The following ZC3H7B variants were observed in gnomAD, a reference collection of about 807,000 sequenced individuals.
ZC3H7B encodes the protein zinc finger CCCH domain-containing protein 7B.
A neutral mutation model predicts 116.0 loss-of-function variants in ZC3H7B; 35 were observed. That is an observed-to-expected ratio of 0.30 (90% confidence interval 0.23 to 0.40). The LOEUF is 0.40. Among genes scored for constraint, ZC3H7B ranks in the 10% least tolerant of loss-of-function variants. ZC3H7B has a pLI of 1.00. For synonymous variants in ZC3H7B, 502 were observed against 545.6 expected (o/e 0.92, Z 1.11); for missense variants, 1,011 against 1,321.5 (o/e 0.77, Z 3.64).
At chr22:41,339,577 G>A (rs1484127411) in intron 9 of ZC3H7B, among the ~76,000 whole-genome samples, 1 of 147,742 alleles carries the variant, frequency 6.8e-6, no homozygotes, top group Non-Finnish European at 1.5e-5. Flanking sequence ...AGTGAGCCGA[G>A]ATCACACCAC....
chr22:41,346,127 G>A lies in ZC3H7B; in HGVS notation c.1584G>A (p.Pro528=), dbSNP rs184423793. ...GTLNRDLLFD[P]LGGVKRGSLT... Reference sequence around the variant, plus strand: ...TCAACCGCGACCTGCTCTTCGACCCGCTGGGGGGTGTTAAGCGCGGCAGCC... The same window carrying A: ...TCAACCGCGACCTGCTCTTCGACCCACTGGGGGGTGTTAAGCGCGGCAGCC... The change falls in exon 14 of 23, where the codon CCG becomes CCA. Residue 528 remains proline (P), a synonymous_variant. Coordinates refer to ENST00000352645, the MANE Select transcript of ZC3H7B (RefSeq NM_017590.6). This position sits in a 1 kb window ranked among gnomAD's most constrained non-coding sequence, Gnocchi z 5.3. The A allele has an allele frequency of 2.5e-5, 40 of 1,613,282 alleles. No homozygotes were observed. The highest frequency in any genetic ancestry group is 1.1e-4 in the East Asian group (5 of 44,888).
Position 41,346,206 on chromosome 22 carries a change from G to T in ZC3H7B, c.1663G>T (p.Glu555Ter). 6.2e-7 allele frequency: 1 copy of T among 1,609,244 alleles called. No individual in the cohort carries two copies. Residue 555 changes from glutamate to a stop codon, truncating the protein, a stop_gained and splice_region_variant, in exon 14 of 23, where the codon GAG becomes TAG. Coordinates refer to ENST00000352645, the MANE Select transcript of ZC3H7B (RefSeq NM_017590.6). LOFTEE classifies it high-confidence loss of function. This position sits in a 1 kb window ranked among gnomAD's most constrained non-coding sequence, Gnocchi z 5.3. Reference protein sequence around the residue: ...EHQGIFTFLCEICFDSKPRII... With the variant: ...EHQGIFTFLC ...CCAGGGCATCTTCACCTTCCTCTGC[G>T]AGGTACTGCCCACCCACCCACTGCC...
chr22:41,326,012 C>G (rs112551015), intron 4 of ZC3H7B, 94 bp downstream of exon 4: 30 of 1,382,084 alleles, frequency 2.2e-5, no homozygotes, highest in African/African-American at 1.4e-4. Context: ...AGCCTGTAGA[C>G]CAGGGCCAGC....
chr22:41,339,205 C>G lies in ZC3H7B; in HGVS notation c.816+14C>G, dbSNP rs199575807. The G allele has an allele frequency of 2.5e-4, 404 of 1,596,286 alleles. 7 individuals are homozygous for G. The highest frequency in any genetic ancestry group is 6.0e-5 in the Non-Finnish European group (70 of 1,169,626). ...CTGGACTCGCTGGTGAGCCACACCACCCTCCTTGTGCTCCCCTGATCCCCT... is the reference window on the plus strand; with the variant it reads ...CTGGACTCGCTGGTGAGCCACACCAGCCTCCTTGTGCTCCCCTGATCCCCT... On this transcript the variant is annotated intron_variant, in intron 9 of 22. Transcript: ENST00000352645.
At chr22:41,324,157 G>A (rs1601773243) in intron 2 of ZC3H7B, among the ~76,000 whole-genome samples, 1 of 152,278 alleles carries the variant, frequency 6.6e-6, no homozygotes, top group East Asian at 1.9e-4. Flanking sequence ...AGGAGGCCAG[G>A]AAGGTAGTGA....
In ZC3H7B at chr22:41,338,159, C is replaced by T. The variant is rs139799096; in HGVS notation, c.583-154C>T. Among the ~76,000 whole-genome samples, 146 of 152,238 alleles carry T rather than the reference C, an allele frequency of 9.6e-4. No individual in the cohort carries two copies. The highest frequency in any genetic ancestry group is 1.6e-3 in the Non-Finnish European group (109 of 68,008). ...CTGGGATTATAGGCATAAGCCACCA[C>T]GCCTGGCCGCATGTGAGGGCTTTAA... On this transcript the variant is annotated intron_variant, in intron 7 of 22. Coordinates refer to ENST00000352645, the MANE Select transcript of ZC3H7B (RefSeq NM_017590.6). This position sits in a 1 kb window ranked among gnomAD's most constrained non-coding sequence, Gnocchi z 4.5.
intron 1 of ZC3H7B, among the ~76,000 whole-genome samples, chr22:41,316,982 A>G (rs1219315027): frequency 2.6e-5 from 4 of 152,102 alleles, no homozygotes; most frequent in Non-Finnish European, 4.4e-5. Flanking sequence ...AGCTGGGATT[A>G]CAGGCATGTA....
intron 6 of ZC3H7B, among the ~76,000 whole-genome samples, chr22:41,330,751 G>C (rs1314802821): frequency 6.6e-6 from 1 of 151,854 alleles, no homozygotes; most frequent in African/African-American, 2.4e-5. Context: ...AGACCAGCCT[G>C]ATCAACATGT....
At chr22:41,330,632 T>C (rs983146437) in intron 6 of ZC3H7B, among the ~76,000 whole-genome samples, 2 of 152,062 alleles carry the variant, frequency 1.3e-5, no homozygotes, top group Admixed American at 1.3e-4. Context: ...AGAGGGCTCA[T>C]GGGAGGATTA....
chr22:41,304,892 T>C (rs1037412785), intron 1 of ZC3H7B, among the ~76,000 whole-genome samples: 23 of 152,272 alleles, frequency 1.5e-4, no homozygotes, highest in African/African-American at 5.1e-4. Flanking sequence ...GACTCTTGAG[T>C]GTGCTCCTGC....
At chr22:41,334,028 C>T (rs73414900) in intron 7 of ZC3H7B, 4,262 of 152,278 alleles carry the variant, frequency 0.028, 169 homozygotes, top group African/African-American at 0.097. Flanking sequence ...GGCCCTGAGG[C>T]CTGGAGGAGC....
chr22:41,307,849 C>T (rs899554547), intron 1 of ZC3H7B, among the ~76,000 whole-genome samples: 3 of 152,146 alleles, frequency 2.0e-5, no homozygotes, highest in East Asian at 3.9e-4. Flanking sequence ...GATGAAGCCA[C>T]CTGGCATCCG....
chr22:41,304,340 C>T (rs1441234079), intron 1 of ZC3H7B, among the ~76,000 whole-genome samples: 1 of 151,770 alleles, frequency 6.6e-6, no homozygotes, highest in African/African-American at 2.4e-5. Context: ...TTCCTGGGCT[C>T]AACATATCTG....
intron 17 of ZC3H7B, among the ~76,000 whole-genome samples, chr22:41,352,200 GA>G (rs1366735287): frequency 6.6e-6 from 1 of 152,150 alleles, no homozygotes; most frequent in African/African-American, 2.4e-5. Context: ...TGAGGTTTTT[GA>G]AGAGCCAGAT....
chr22:41,340,209 G>A, intron 10 of ZC3H7B, 72 bp downstream of exon 10: 4 of 1,460,468 alleles, frequency 2.7e-6, no homozygotes, highest in Non-Finnish European at 2.8e-6. Context: ...TTGGTGCCTG[G>A]AGAGTGGAGT....
chr22:41,344,169 C>A (rs2036557639), intron 13 of ZC3H7B, among the ~76,000 whole-genome samples: 2 of 152,208 alleles, frequency 1.3e-5, no homozygotes, highest in African/African-American at 4.8e-5. Context: ...CAGTGTAGCC[C>A]TTTCATTTCA....
chr22:41,335,671 G>A (rs2036436091), intron 7 of ZC3H7B: 2 of 152,490 alleles, frequency 1.3e-5, no homozygotes, highest in African/African-American at 4.8e-5. Context: ...AGACACTCCG[G>A]AGACTGAAGT....
Position 41,357,573 on chromosome 22 carries a change from T to G in ZC3H7B, c.*144T>G, listed in dbSNP as rs1437448909. On this transcript the variant is annotated 3_prime_UTR_variant, in exon 23 of 23. Coordinates refer to ENST00000352645, the MANE Select transcript of ZC3H7B (RefSeq NM_017590.6). This position sits in a 1 kb window ranked among gnomAD's most constrained non-coding sequence, Gnocchi z 5.4. Reference sequence around the variant, plus strand: ...CCAGCCCCCTGAGGCCCTGTCCATCTTCTCCCCACCACCGCCCCGGTGTGC... The same window carrying G: ...CCAGCCCCCTGAGGCCCTGTCCATCGTCTCCCCACCACCGCCCCGGTGTGC... The G allele has an allele frequency of 1.8e-6, 2 of 1,111,786 alleles. No individual in the cohort carries two copies. Among genetic ancestry groups the G allele is most frequent in the East Asian group, 2.6e-5 (1 of 38,732 alleles). 68.9% of individuals were successfully genotyped at this position (1,111,786 alleles called of 1,614,324 possible).
chr22:41,325,463 C>T (rs1378761212), intron 2 of ZC3H7B, 101 bp from the exon 3 acceptor site: 2 of 1,487,268 alleles, frequency 1.3e-6, no homozygotes, highest in African/African-American at 2.8e-5. Context: ...CCCTAGTCCA[C>T]AAGGTGATGG....
Sources: allele counts gnomAD v4.1 joint callset (sites outside exome capture counted in the v4.1 genomes callset), GRCh38; gene constraint gnomAD v4.1.1; non-coding constraint Gnocchi (gnomAD v3.1); transcripts MANE v1.5; gene names NCBI Gene and HGNC (gene_info 2026-07-23, HGNC 2026-07-21).